Variants in SNX20 observed in about 807,000 individuals in gnomAD.
The protein encoded by SNX20 is sorting nexin-20.
Under a neutral mutation model 24.5 loss-of-function variants are expected in SNX20, and 21 were observed. The observed-to-expected ratio is 0.86, with a 90% CI of 0.61 to 1.23. The LOEUF is 1.23. SNX20 is among the 50% of genes most tolerant of loss of function. The pLI, the probability that SNX20 is intolerant of heterozygous loss-of-function variation, is 0.00. For missense variants in SNX20, 433 were observed against 430.8 expected, an observed-to-expected ratio of 1.00 and a Z score of -0.04; for synonymous variants, 206 against 192.8, an observed-to-expected ratio of 1.07 and a Z score of -0.57.
chr16:50,671,657 C>G lies in SNX20; in HGVS notation c.*1749G>C, dbSNP rs1309505220. ...CATCATTACAAATAGACTCATAGCT[C>G]TTTAATTTTTCCATTTAACACTTTA... On this transcript the variant is annotated 3_prime_UTR_variant, in exon 4 of 4. Transcript: ENST00000330943. 1 of 152,280 alleles carries G rather than the reference C, an allele frequency of 6.6e-6. No individual in the cohort carries two copies. Among genetic ancestry groups the G allele is most frequent in the South Asian group, 2.1e-4 (1 of 4,826 alleles). The allele number at this position is 152,280 out of a possible 1,614,324, so 9.4% of individuals were successfully genotyped here.
intron 1 of SNX20, among the ~76,000 whole-genome samples, chr16:50,679,013 A>G (rs1963240602): frequency 6.6e-6 from 1 of 152,254 alleles, no homozygotes; most frequent in Admixed American, 6.5e-5. Context: ...AATGTTTGAG[A>G]CAACTTAGAG....
rs188121414 is a variant in SNX20, at chr16:50,673,400, G to T, written c.*6C>A. The T allele has an allele frequency of 1.3e-6, 2 of 1,496,330 alleles. No individual in the cohort carries two copies. The highest frequency in any genetic ancestry group is 1.4e-5 in the African/African-American group (1 of 69,286). 92.7% of individuals were successfully genotyped at this position (1,496,330 alleles called of 1,614,324 possible). On this transcript the variant is annotated 3_prime_UTR_variant, in exon 4 of 4. Coordinates refer to ENST00000330943, the MANE Select transcript of SNX20 (RefSeq NM_182854.4). The surrounding 1 kb of genome is among the most constrained non-coding windows in gnomAD (Gnocchi z 4.1). ...CTCCAGCGTCCCTGCGGGGTCCCAG[G>T]CCGGCTCAGTGCAGGTATTCTCGCA...
At chr16:50,667,768 T>A (rs928213500), downstream of SNX20, 1 of 573,478 alleles carries the variant, frequency 1.7e-6, no homozygotes, top group African/African-American at 1.9e-5. Flanking sequence ...CAGAGCTAAG[T>A]CCATGCTATG....
At chr16:50,669,219 C>A, downstream of SNX20, 3 of 761,254 alleles carry the variant, frequency 3.9e-6, no homozygotes, top group Non-Finnish European at 7.0e-6. Context: ...TAAAGGAATA[C>A]CTGAGGTTGG....
At position 50,673,912 on chromosome 16, in the gene SNX20, A is replaced by G. The variant is rs1011153632; in HGVS notation, c.445T>C (p.Phe149Leu). The G allele has an allele frequency of 4.3e-6, 7 of 1,611,776 alleles. No individual in the cohort carries two copies. Among genetic ancestry groups the G allele is most frequent in the South Asian group, 1.1e-5 (1 of 90,854 alleles). The change falls in exon 4 of 4, where the codon TTC (phenylalanine) becomes CTC (leucine). Residue 149 changes from phenylalanine to leucine, a missense_variant. By Grantham distance (22) the Phe-to-Leu change is conservative. Coordinates refer to ENST00000330943, the MANE Select transcript of SNX20 (RefSeq NM_182854.4). This position sits in a 1 kb window ranked among gnomAD's most constrained non-coding sequence, Gnocchi z 4.1. ...EFPRKHLTGNFAEEMICERRR... is the reference protein window; with the variant it reads ...EFPRKHLTGNLAEEMICERRR... ...CGCTCACAGATCATCTCCTCAGCGA[A>G]GTTCCCAGTCAGGTGCTTCCTGGGA...
downstream of SNX20, chr16:50,669,325 C>T (rs1194886566): frequency 1.9e-5 from 11 of 571,476 alleles, no homozygotes; most frequent in Non-Finnish European, 3.1e-5. Flanking sequence ...CTTCAGGAAG[C>T]TTCCACTTAT....
In SNX20 at chr16:50,677,374, C is replaced by T. The variant is rs756300451; in HGVS notation, c.130+23G>A. 3.3e-5 allele frequency: 51 copies of T among 1,555,856 alleles called. No homozygotes were observed. The East Asian group carries it at 8.6e-4, about 26-fold the overall frequency. ...ATGTCTTCAGACCTCTCCCCCAGAC[C>T]GAGTCTCAAGCCTCAAGCCCACCTA... On this transcript the variant is annotated intron_variant, in intron 2 of 3. Coordinates refer to ENST00000330943, the MANE Select transcript of SNX20 (RefSeq NM_182854.4).
rs1016705996 is a variant in SNX20 at position 50,675,898 on chromosome 16, T to A, written c.154A>T (p.Asn52Tyr). 1 of 1,611,068 alleles carries A rather than the reference T, an allele frequency of 6.2e-7. No individual in the cohort carries two copies. Among genetic ancestry groups the A allele is most frequent in the African/African-American group, 1.3e-5 (1 of 74,788 alleles). The change falls in exon 3 of 4, where the codon AAC becomes TAC. Residue 52 changes from asparagine (N) to tyrosine (Y), a missense_variant. Physicochemically the swap from Asn to Tyr is moderately radical, Grantham distance 143. Coordinates refer to ENST00000330943, the MANE Select transcript of SNX20 (RefSeq NM_182854.4). ...AGCTCCCGCGTGGTCATGCTGGAGTTGGAGCTCAGGCCACTGTGTGTGTCT... is the reference window on the plus strand; with the variant it reads ...AGCTCCCGCGTGGTCATGCTGGAGTAGGAGCTCAGGCCACTGTGTGTGTCT... ...HLDTHSGLSS[N>Y]SSMTTRELQQ...
downstream of SNX20, chr16:50,668,268 T>G (rs1260734962): frequency 2.8e-6 from 4 of 1,415,284 alleles, no homozygotes; most frequent in East Asian, 2.6e-5. Flanking sequence ...CAGGACAACA[T>G]TTTCCAGTCC....
At chr16:50,678,189 A>G (rs1963225937) in intron 1 of SNX20, among the ~76,000 whole-genome samples, 1 of 152,194 alleles carries the variant, frequency 6.6e-6, no homozygotes, top group African/African-American at 2.4e-5. Flanking sequence ...GTGACAGAAC[A>G]AGACCATCTC....
At chr16:50,680,051 G>A (rs1963263867) in intron 1 of SNX20, among the ~76,000 whole-genome samples, 1 of 152,188 alleles carries the variant, frequency 6.6e-6, no homozygotes, top group African/African-American at 2.4e-5. Flanking sequence ...CCAGGCCTTA[G>A]AATAAAATCA....
downstream of SNX20, chr16:50,668,216 G>A (rs1421708662): frequency 4.1e-5 from 61 of 1,475,690 alleles, no homozygotes; most frequent in African/African-American, 2.1e-4. Context: ...CGGGCAACAC[G>A]GGATGATCAG....
intron 2 of SNX20, 45 bp from the exon 3 acceptor site, chr16:50,675,966 T>C (rs775063730): frequency 1.3e-6 from 2 of 1,547,198 alleles, no homozygotes; most frequent in African/African-American, 2.8e-5. Flanking sequence ...GTCAGTGCAC[T>C]TCCGAGGCAT....
In SNX20 at chr16:50,677,315, G is replaced by A; in HGVS notation, c.130+82C>T. ...ACAAGAGCTGCCCGGGCCTCTTGCTGCATCCCCCAAAGTGACCCACATTTG... is the reference window on the plus strand; with the variant it reads ...ACAAGAGCTGCCCGGGCCTCTTGCTACATCCCCCAAAGTGACCCACATTTG... On this transcript the variant is annotated intron_variant, in intron 2 of 3. Transcript: ENST00000330943. 2.8e-6 allele frequency: 4 copies of A among 1,426,250 alleles called. No homozygotes were observed. The South Asian group carries it at 4.6e-5, about 16-fold the overall frequency. The allele number at this position is 1,426,250 out of a possible 1,614,324, so 88.3% of individuals were successfully genotyped here.
At chr16:50,666,737 C>T (rs139397276), downstream of SNX20, 2,348 of 152,576 alleles carry the variant, frequency 0.015, 30 homozygotes, top group Admixed American at 0.046. Flanking sequence ...GCCCCCACCC[C>T]AGCCACTGGG....
chr16:50,673,097 G>C lies in SNX20; in HGVS notation c.*309C>G. 4.3e-6 allele frequency: 1 copy of C among 232,388 alleles called. No individual in the cohort carries two copies. The highest frequency in any genetic ancestry group is 8.8e-5 in the East Asian group (1 of 11,414). 14.4% of individuals were successfully genotyped at this position (232,388 alleles called of 1,614,324 possible). On this transcript the variant is annotated 3_prime_UTR_variant, in exon 4 of 4. Coordinates refer to ENST00000330943, the MANE Select transcript of SNX20 (RefSeq NM_182854.4). This position sits in a 1 kb window ranked among gnomAD's most constrained non-coding sequence, Gnocchi z 4.1. ...GCAGGAAGATCATTTAAGGTCAGAA[G>C]TTAGAGACCAGCCTGGGCAACAGAG...
downstream of SNX20, chr16:50,668,463 G>C: frequency 1.2e-6 from 1 of 812,402 alleles, no homozygotes; most frequent in Non-Finnish European, 1.5e-6. Flanking sequence ...TATTTTTGTA[G>C]CTACTTTCTA....
At chr16:50,680,933 G>A (rs1261208985) in intron 1 of SNX20, among the ~76,000 whole-genome samples, 1 of 152,216 alleles carries the variant, frequency 6.6e-6, no homozygotes, top group Admixed American at 6.5e-5. Context: ...GAGAAACACA[G>A]GTGTGGTGAC....
rs768031335 is a variant in SNX20, at chr16:50,673,445, G to A, written c.912C>T (p.Ile304=). The stretch of plus-strand genomic sequence containing the variant: ...CTCGCACAGTGAGCTCCTTCAGGGT[G>A]ATGCCTCGGGGCGTGGGCCTCCGGA... ...SQLRRPTPRG[I]TLKELTVREY... is the part of the protein sequence containing the mutation. The change falls in exon 4 of 4, where the codon ATC becomes ATT. Residue 304 remains isoleucine, a synonymous_variant. Transcript: ENST00000330943. The surrounding 1 kb of genome is among the most constrained non-coding windows in gnomAD (Gnocchi z 4.1). 21 of 1,591,724 alleles carry A rather than the reference G, an allele frequency of 1.3e-5. No homozygotes were observed. The highest frequency in any genetic ancestry group is 1.5e-5 in the Non-Finnish European group (18 of 1,170,074).
Sources: gnomAD v4.1 joint callset for allele counts (sites outside exome capture counted in the v4.1 genomes callset) on GRCh38, gnomAD v4.1.1 for gene constraint, Gnocchi (gnomAD v3.1) non-coding constraint, MANE v1.5 for transcripts, NCBI Gene and HGNC (gene_info 2026-07-23, HGNC 2026-07-21) for gene names.